Variants in PDE4B observed in about 807,000 individuals in gnomAD.
The protein encoded by PDE4B is phosphodiesterase 4B.
A neutral mutation model predicts 82.2 loss-of-function variants in PDE4B; 20 were observed. The observed-to-expected ratio is 0.24, with a 90% CI of 0.17 to 0.35. PDE4B has a LOEUF of 0.35. Ranked by LOEUF, PDE4B falls within the 10% of genes least tolerant of loss-of-function variation. PDE4B has a pLI of 1.00. For missense variants in PDE4B, 655 were observed against 907.2 expected, an observed-to-expected ratio of 0.72 and a Z score of 3.57; for synonymous variants, 320 against 318.9, an observed-to-expected ratio of 1.00 and a Z score of -0.04.
intron 3 of PDE4B, among the ~76,000 whole-genome samples, chr1:66,054,040 A>T (rs760993539): frequency 8.5e-5 from 13 of 152,058 alleles, no homozygotes; most frequent in Admixed American, 1.3e-4. Context: ...GTGCTCAAGG[A>T]CCTACACTTT....
intron 3 of PDE4B, among the ~76,000 whole-genome samples, chr1:66,165,599 A>G (rs1190188580): frequency 6.6e-6 from 1 of 152,194 alleles, no homozygotes; most frequent in Non-Finnish European, 1.5e-5. Flanking sequence ...TCTATATAAT[A>G]GCAATGAATA....
At position 66,264,299 on chromosome 1, in the gene PDE4B, C is replaced by A. The variant is rs149895699; in HGVS notation, c.585-1739C>A. ...TTTTGGAATTTAATCTCTTAATTTT[C>A]CTGAAAAACAGCCCTCAGTATTAGT... On this transcript the variant is annotated intron_variant, in intron 6 of 16. Transcript: ENST00000341517. 1.3e-3 allele frequency among the ~76,000 whole-genome samples: 192 copies of A among 152,196 alleles called. 1 individual carries two copies. Among genetic ancestry groups the A allele is most frequent in the African/African-American group, 4.3e-3 (179 of 41,530 alleles).
chr1:66,252,618 T>C (rs1401680282), intron 4 of PDE4B, among the ~76,000 whole-genome samples: 5 of 152,234 alleles, frequency 3.3e-5, no homozygotes, highest in Non-Finnish European at 7.3e-5. Context: ...GTATAGTTTC[T>C]GCTGAATGCA....
At chr1:66,026,890 G>A (rs886254584) in intron 3 of PDE4B, among the ~76,000 whole-genome samples, 1 of 152,174 alleles carries the variant, frequency 6.6e-6, no homozygotes, top group South Asian at 2.1e-4. Flanking sequence ...ACCTTGCAAT[G>A]TTGTAACATA....
At chr1:66,141,940 T>TC (rs1165817014) in intron 3 of PDE4B, among the ~76,000 whole-genome samples, 4 of 152,012 alleles carry the variant, frequency 2.6e-5, no homozygotes, top group Admixed American at 6.6e-5. Context: ...TTACTTTTAT[T>TC]CCCCCCACCA....
At chr1:66,343,977 G>T (rs2101964322) in intron 8 of PDE4B, among the ~76,000 whole-genome samples, 1 of 152,174 alleles carries the variant, frequency 6.6e-6, no homozygotes, top group Admixed American at 6.5e-5. Context: ...ACCTTCTAAT[G>T]GGTCACTAAT....
At position 66,224,191 on chromosome 1, in the gene PDE4B, TC is replaced by T. The variant is rs559112450; in HGVS notation, c.282-23267del. On this transcript the variant is annotated intron_variant, in intron 3 of 16. Coordinates refer to ENST00000341517, the MANE Select transcript of PDE4B (RefSeq NM_002600.4). ...CTTAGATTTCTACTCCATTACGACT[TC>T]CAGCTCATAGACTCTGCCACTTCTC... Among the ~76,000 whole-genome samples the T allele has an allele frequency of 6.6e-5, 10 of 152,238 alleles. No homozygotes were observed. In the South Asian group the frequency reaches 2.1e-3, roughly 32 times the overall value.
At chr1:66,165,182 A>T (rs1165391257) in intron 3 of PDE4B, among the ~76,000 whole-genome samples, 4 of 152,278 alleles carry the variant, frequency 2.6e-5, no homozygotes, top group East Asian at 3.9e-4. Context: ...GAGAATAAAA[A>T]TTTTTCATAC....
At chr1:65,792,836 G>A (rs1645586651), upstream of PDE4B, among the ~76,000 whole-genome samples, 1 of 151,982 alleles carries the variant, frequency 6.6e-6, no homozygotes, top group Non-Finnish European at 1.5e-5. Flanking sequence ...TGGCACCGGC[G>A]AGCTGTCTCT....
intron 3 of PDE4B, among the ~76,000 whole-genome samples, chr1:66,114,166 G>A (rs1050776277): frequency 2.0e-5 from 3 of 152,124 alleles, no homozygotes; most frequent in Non-Finnish European, 4.4e-5. Context: ...ACAAGGAGGC[G>A]CTGTCTATGA....
At chr1:65,867,060 A>T (rs1181487173) in intron 1 of PDE4B, among the ~76,000 whole-genome samples, 1 of 152,188 alleles carries the variant, frequency 6.6e-6, no homozygotes. Context: ...TGAAAGGAGG[A>T]TATAAAATGA....
chr1:65,998,158 T>C (rs1651655015), intron 3 of PDE4B, among the ~76,000 whole-genome samples: 1 of 152,244 alleles, frequency 6.6e-6, no homozygotes, highest in Non-Finnish European at 1.5e-5. Flanking sequence ...TATATACTAT[T>C]ATATTATTTT....
At chr1:65,969,380 G>C (rs1650012900) in intron 3 of PDE4B, among the ~76,000 whole-genome samples, 3 of 152,060 alleles carry the variant, frequency 2.0e-5, no homozygotes, top group Admixed American at 1.3e-4. Flanking sequence ...TTTCACAGAG[G>C]GGCAGGAAGT....
At chr1:66,026,679 A>G (rs192019018) in intron 3 of PDE4B, among the ~76,000 whole-genome samples, 3 of 152,334 alleles carry the variant, frequency 2.0e-5, no homozygotes, top group Non-Finnish European at 2.9e-5. Context: ...GCACTCAGCA[A>G]TGTGCCTGGT....
intron 3 of PDE4B, among the ~76,000 whole-genome samples, chr1:66,173,059 T>A (rs775075612): frequency 8.5e-5 from 13 of 152,284 alleles, no homozygotes; most frequent in Admixed American, 2.0e-4. Context: ...ACAGTCTTCT[T>A]TGGGCACATG....
chr1:66,332,360 A>T, intron 7 of PDE4B, 148 bp from the exon 8 acceptor site: 1 of 1,611,290 alleles, frequency 6.2e-7, no homozygotes, highest in Non-Finnish European at 8.5e-7. Flanking sequence ...TGGTGGAGAG[A>T]GCTGGAAGGA....
At chr1:66,217,806 T>C (rs1350002373) in intron 3 of PDE4B, among the ~76,000 whole-genome samples, 1 of 152,090 alleles carries the variant, frequency 6.6e-6, no homozygotes, top group Non-Finnish European at 1.5e-5. Context: ...TTTCAAACAA[T>C]ATTTCAATAT....
At chr1:66,283,703 A>T (rs968616573) in intron 7 of PDE4B, among the ~76,000 whole-genome samples, 11 of 152,240 alleles carry the variant, frequency 7.2e-5, no homozygotes, top group Non-Finnish European at 1.2e-4. Context: ...TATCTCACAC[A>T]TATGCTTGCT....
At chr1:65,967,017 A>G (rs1649871991) in intron 3 of PDE4B, among the ~76,000 whole-genome samples, 1 of 152,230 alleles carries the variant, frequency 6.6e-6, no homozygotes, top group South Asian at 2.1e-4. Flanking sequence ...CAATGGCAAC[A>G]AAAGCCAAAA....
Sources: allele counts gnomAD v4.1 joint callset (sites outside exome capture counted in the v4.1 genomes callset), GRCh38; gene constraint gnomAD v4.1.1; transcripts MANE v1.5; gene names NCBI Gene and HGNC (gene_info 2026-07-23, HGNC 2026-07-21).